Variants in KIF19 observed in about 807,000 individuals in gnomAD.
KIF19 encodes kinesin-like protein KIF19.
KIF19 carries 98 observed loss-of-function variants against 106.6 expected under a neutral mutation model. The ratio of observed to expected loss-of-function variants is 0.92; its 90% confidence interval spans 0.78 to 1.09. KIF19 has a LOEUF of 1.09. Among genes scored for constraint, KIF19 ranks in the 50% least tolerant of loss-of-function variants. KIF19 has a pLI of 0.00. For synonymous variants in KIF19, 516 were observed against 584.2 expected, an observed-to-expected ratio of 0.88 and a Z score of 1.68; for missense variants, 1,373 against 1,414.3, an observed-to-expected ratio of 0.97 and a Z score of 0.47.
chr17:74,346,153 A>G lies in KIF19; in HGVS notation c.778-225A>G, dbSNP rs1276331761. ...GCACCTGCCCTGAGGAGAACCGGCCATCTCAGCCCTCCTCAGAAGCTGTCA... is the reference window on the plus strand; with the variant it reads ...GCACCTGCCCTGAGGAGAACCGGCCGTCTCAGCCCTCCTCAGAAGCTGTCA... On this transcript the variant is annotated intron_variant, in intron 7 of 19. Coordinates refer to ENST00000389916, the MANE Select transcript of KIF19 (RefSeq NM_153209.4). This position sits in a 1 kb window ranked among gnomAD's most constrained non-coding sequence, Gnocchi z 4.6. 6.6e-6 allele frequency among the ~76,000 whole-genome samples: 1 copy of G among 152,208 alleles called. No individual in the cohort carries two copies. The highest frequency in any genetic ancestry group is 2.4e-5 in the African/African-American group (1 of 41,456).
rs1261792522 is a variant in KIF19, at chr17:74,346,122, GC to G, written c.778-254del. Among the ~76,000 whole-genome samples, 1 of 152,254 alleles carries G rather than the reference GC, an allele frequency of 6.6e-6. No individual in the cohort carries two copies. The highest frequency in any genetic ancestry group is 1.5e-5 in the Non-Finnish European group (1 of 68,042). ...TCCATGGCACTGTGTGTCAGGCCGT[GC>G]CACGGCACCTGCCCTGAGGAGAACC... On this transcript the variant is annotated intron_variant, in intron 7 of 19. Transcript: ENST00000389916. The surrounding 1 kb of genome is among the most constrained non-coding windows in gnomAD (Gnocchi z 4.6).
intron 2 of KIF19, among the ~76,000 whole-genome samples, chr17:74,340,335 C>A (rs2054332319): frequency 6.6e-6 from 1 of 152,188 alleles, no homozygotes; most frequent in African/African-American, 2.4e-5. Flanking sequence ...TAGACTAGGG[C>A]CCCCAGCAAG....
In KIF19 at chr17:74,346,272, G is replaced by A; in HGVS notation, c.778-106G>A. The A allele has an allele frequency of 2.3e-6, 3 of 1,306,706 alleles. No individual in the cohort carries two copies. Among genetic ancestry groups the A allele is most frequent in the Non-Finnish European group, 3.2e-6 (3 of 952,310 alleles). 80.9% of individuals were successfully genotyped at this position (1,306,706 alleles called of 1,614,324 possible). ...GGAGGACGGCCACAAGGTCCTTGGG[G>A]GTTTATTACCCAGGATCACCAGGTC... is the stretch of plus-strand genomic sequence containing the variant. On this transcript the variant is annotated intron_variant, in intron 7 of 19. Transcript: ENST00000389916. The surrounding 1 kb of genome is among the most constrained non-coding windows in gnomAD (Gnocchi z 4.6).
chr17:74,353,250 C>A lies in KIF19; in HGVS notation c.2169C>A (p.Ser723=). ...CTGGGGCCTGGCAGGCAAAAAGCTC[C>A]TCTGTGCCCACCCCACCTCCCATCC... The part of the protein sequence containing the change: ...AGTGAWQAKS[S]SVPTPPPIQL... Residue 723 remains serine (S), a synonymous_variant, in exon 16 of 20, where the codon TCC becomes TCA. Transcript: ENST00000389916. 1.9e-6 allele frequency: 3 copies of A among 1,586,406 alleles called. No homozygotes were observed. Among genetic ancestry groups the A allele is most frequent in the Non-Finnish European group, 2.6e-6 (3 of 1,166,846 alleles).
chr17:74,326,794 G>A lies in KIF19; in HGVS notation c.39+406G>A, dbSNP rs536134722. On this transcript the variant is annotated intron_variant, in intron 1 of 19. Transcript: ENST00000389916. ...GCTGCTCCAGCCCTGGTGAGGTCAGGAGTTTAAAGGGATGTGGGGGTCACC... is the reference window on the plus strand; with the variant it reads ...GCTGCTCCAGCCCTGGTGAGGTCAGAAGTTTAAAGGGATGTGGGGGTCACC... 2.2e-4 allele frequency among the ~76,000 whole-genome samples: 34 copies of A among 152,300 alleles called. 2 individuals carry two copies. In the Middle Eastern group the frequency reaches 0.014, roughly 61 times the overall value.
intron 2 of KIF19, among the ~76,000 whole-genome samples, chr17:74,332,212 G>GTT (rs1414664092): frequency 8.3e-3 from 317 of 37,976 alleles, no homozygotes; most frequent in South Asian, 0.028. Context: ...GTGTGTGTTT[G>GTT]TGTGTGTGTG....
chr17:74,344,083 G>A (rs2054459470), intron 5 of KIF19, 140 bp from the exon 6 acceptor site: 2 of 748,640 alleles, frequency 2.7e-6, no homozygotes, highest in Non-Finnish European at 4.1e-6. Flanking sequence ...CCTAATCAGG[G>A]CTCTTCTGAG....
Position 74,350,786 on chromosome 17 carries a change from G to A in KIF19, c.1468G>A (p.Glu490Lys), listed in dbSNP as rs62624471. 2.9e-5 allele frequency: 47 copies of A among 1,613,918 alleles called. No individual in the cohort carries two copies. The highest frequency in any genetic ancestry group is 1.6e-4 in the Middle Eastern group (1 of 6,084). Residue 490 changes from glutamate to lysine, a missense_variant, in exon 12 of 20, where the codon GAG (glutamate) becomes AAG (lysine). This residue lies in a region of KIF19 where 1,020 missense variants were observed against 1,008.2 expected (regional missense o/e 1.01). Coordinates refer to ENST00000389916, the MANE Select transcript of KIF19 (RefSeq NM_153209.4). The stretch of plus-strand genomic sequence containing the variant: ...GGAGTGCTACGCTAAGGACGACAGC[G>A]AGAAGGACTCAGACACAGGTGATGA... ...RKECYAKDDS[E>K]KDSDTGDDQP... is the part of the protein sequence containing the mutation.
At chr17:74,351,807 C>G (rs2054708880) in intron 12 of KIF19, 60 bp from the exon 13 acceptor site, 1 of 1,363,066 alleles carries the variant, frequency 7.3e-7, no homozygotes, top group South Asian at 1.7e-5. Flanking sequence ...CGAGGACGAG[C>G]TGGGCAGGCG....
intron 1 of KIF19, among the ~76,000 whole-genome samples, chr17:74,327,744 T>G (rs1235351868): frequency 6.6e-6 from 1 of 152,220 alleles, no homozygotes; most frequent in African/African-American, 2.4e-5. Flanking sequence ...GTGCTGGGAT[T>G]ACAGGCGTGA....
chr17:74,341,865 G>A lies in KIF19; in HGVS notation c.121-11G>A, dbSNP rs780573557. On this transcript the variant is annotated splice_polypyrimidine_tract_variant and intron_variant, in intron 2 of 19. Coordinates refer to ENST00000389916, the MANE Select transcript of KIF19 (RefSeq NM_153209.4). ...CAGGTGACCGTGGGCCTCCCTCTGG[G>A]GACCTTGCAGATGGTGGTTCTCATG... is the stretch of plus-strand genomic sequence containing the variant. 1.9e-6 allele frequency: 3 copies of A among 1,609,196 alleles called. No individual in the cohort carries two copies. The East Asian group carries it at 6.7e-5, about 36-fold the overall frequency.
At position 74,349,434 on chromosome 17, in the gene KIF19, C is replaced by G. The variant is rs896131247; in HGVS notation, c.1213+85C>G. The G allele has an allele frequency of 3.5e-5, 48 of 1,368,554 alleles. 1 individual carries two copies. The highest frequency in any genetic ancestry group is 4.7e-5 in the Non-Finnish European group (48 of 1,025,748). 84.8% of individuals were successfully genotyped at this position (1,368,554 alleles called of 1,614,324 possible). A position where few individuals can be genotyped will look rare whatever the true frequency, so the allele number is the denominator to read the frequency against. On this transcript the variant is annotated intron_variant, in intron 10 of 19. Transcript: ENST00000389916. ...GATCAGGCCATGTTGTGTTCAAATC[C>G]AGAATCGGGCTCTTTCTGGCTGGGT...
In KIF19 at chr17:74,349,230, C is replaced by T. The variant is rs1422170941; in HGVS notation, c.1094C>T (p.Thr365Ile). The change falls in exon 10 of 20, where the codon ACC becomes ATC. Residue 365 changes from threonine to isoleucine, a missense_variant. Physicochemically the swap from Thr to Ile is moderately conservative, Grantham distance 89. This residue lies in a region of KIF19 where 1,020 missense variants were observed against 1,008.2 expected (regional missense o/e 1.01). Transcript: ENST00000389916. ...GTCTCCTACCACATCGCCCAGTACA[C>T]CAGCATCATCGCTGACCTGCGGGGC... ...LNVSYHIAQY[T>I]SIIADLRGEI... 6.2e-7 allele frequency: 1 copy of T among 1,613,742 alleles called. No individual in the cohort carries two copies. Among genetic ancestry groups the T allele is most frequent in the African/African-American group, 1.3e-5 (1 of 74,954 alleles).
intron 12 of KIF19, among the ~76,000 whole-genome samples, chr17:74,351,499 AAATAAT>A (rs1428385763): frequency 6.6e-6 from 1 of 151,984 alleles, no homozygotes; most frequent in African/African-American, 2.4e-5. Flanking sequence ...CAAAAAAGAA[AAATAAT>A]AATAATAATT....
At chr17:74,342,167 G>A (rs997273396) in intron 3 of KIF19, among the ~76,000 whole-genome samples, 181 bp downstream of exon 3, 6 of 152,076 alleles carry the variant, frequency 3.9e-5, no homozygotes, top group African/African-American at 9.7e-5. Context: ...ACACACACCC[G>A]GCCTCCTGCA....
chr17:74,353,136 G>T (rs1377033102), intron 15 of KIF19, 60 bp from the exon 16 acceptor site: 1 of 1,467,006 alleles, frequency 6.8e-7, no homozygotes, highest in Non-Finnish European at 9.4e-7. Context: ...CTGGGGTGGG[G>T]GTGGGACCTC....
rs923277873 is a variant in KIF19 at position 74,346,664 on chromosome 17, G to T, written c.924+140G>T. On this transcript the variant is annotated intron_variant, in intron 8 of 19. Transcript: ENST00000389916. This position sits in a 1 kb window ranked among gnomAD's most constrained non-coding sequence, Gnocchi z 4.6. ...TTATTTTAGCGTAAATATGTCCCAT[G>T]AAATATTTGGGATATTCTTATGCTA... 1.3e-6 allele frequency: 1 copy of T among 756,692 alleles called. No individual in the cohort carries two copies. Among genetic ancestry groups the T allele is most frequent in the Non-Finnish European group, 2.1e-6 (1 of 470,484 alleles). 46.9% of individuals were successfully genotyped at this position (756,692 alleles called of 1,614,324 possible).
Position 74,344,841 on chromosome 17 carries a change from C to G in KIF19, c.663C>G (p.His221Gln). Residue 221 changes from histidine (H) to glutamine (Q), a missense_variant, in exon 7 of 20, where the codon CAC becomes CAG. Transcript: ENST00000389916. ...CCAACCAGACGTCCTCCCGCTCCCA[C>G]GCGGTACTGCAGGTGACCGTGCGCC... ...TAANQTSSRS[H>Q]AVLQVTVRQR... 6.2e-7 allele frequency: 1 copy of G among 1,612,826 alleles called. No individual in the cohort carries two copies. The highest frequency in any genetic ancestry group is 8.5e-7 in the Non-Finnish European group (1 of 1,179,796).
rs938756631 is a variant in KIF19 at position 74,344,446 on chromosome 17, C to T, written c.582+98C>T. On this transcript the variant is annotated intron_variant, in intron 6 of 19. Transcript: ENST00000389916. ...AGAAGCCAGGGAGCTGCTCCCCACT[C>T]GGCTGAGGCTGGGACAGACAGGAGA... 61 of 1,515,170 alleles carry T rather than the reference C, an allele frequency of 4.0e-5. 3 individuals are homozygous for T. Among genetic ancestry groups the T allele is most frequent in the Non-Finnish European group, 5.0e-5 (56 of 1,127,964 alleles). 93.9% of individuals were successfully genotyped at this position (1,515,170 alleles called of 1,614,324 possible).
Sources: allele counts gnomAD v4.1 joint callset (sites outside exome capture counted in the v4.1 genomes callset), GRCh38; gene constraint gnomAD v4.1.1; regional missense constraint gnomAD v4.1.1; non-coding constraint Gnocchi (gnomAD v3.1); transcripts MANE v1.5; gene names NCBI Gene and HGNC (gene_info 2026-07-23, HGNC 2026-07-21).